Variants in RNF180 observed in about 807,000 individuals in gnomAD.
RNF180 encodes ring finger protein 180.
RNF180 carries 38 observed loss-of-function variants against 59.2 expected under a neutral mutation model. The observed-to-expected ratio is 0.64, with a 90% CI of 0.50 to 0.84. The LOEUF is 0.84. RNF180 is among the 40% of genes least tolerant of loss of function. The probability of loss-of-function intolerance (pLI) is 0.00; values close to 1 mark genes in which losing one functional copy is unlikely to be tolerated. For missense variants in RNF180, 705 were observed against 700.9 expected (o/e 1.01, Z -0.07); for synonymous variants, 262 against 240.3 (o/e 1.09, Z -0.84).
At position 64,203,331 on chromosome 5, in the gene RNF180, A is replaced by G. The variant is rs182862326; in HGVS notation, c.135+2389A>G. On this transcript the variant is annotated intron_variant, in intron 2 of 7. Coordinates refer to ENST00000389100, the MANE Select transcript of RNF180 (RefSeq NM_001113561.2). ...GTGAACATATATATGTTTGTGTCTT[A>G]CAGATTTTAAAGTATAATTTGTAGA... 2.0e-5 allele frequency among the ~76,000 whole-genome samples: 3 copies of G among 152,324 alleles called. No homozygotes were observed. In the East Asian group the frequency reaches 5.8e-4, roughly 29 times the overall value.
At chr5:64,177,525 C>CCATA (rs1750304971) in intron 1 of RNF180, among the ~76,000 whole-genome samples, 1 of 54,366 alleles carries the variant, frequency 1.8e-5, no homozygotes, top group East Asian at 1.2e-3. Context: ...ATAAATTATG[C>CCATA]CATATATATA....
At chr5:64,335,257 T>C (rs1439337359) in intron 7 of RNF180, among the ~76,000 whole-genome samples, 2 of 152,162 alleles carry the variant, frequency 1.3e-5, no homozygotes, top group South Asian at 2.1e-4. Context: ...CTGTTGGTTA[T>C]ATGAATGGCA....
At chr5:64,200,755 G>C (rs1751699410) in intron 1 of RNF180, 53 bp from the exon 2 acceptor site, 1 of 1,513,284 alleles carries the variant, frequency 6.6e-7, no homozygotes, top group African/African-American at 1.4e-5. Context: ...GATTTAGAAA[G>C]TCCAGTTTAT....
At chr5:64,257,607 G>A (rs1394200690) in intron 5 of RNF180, among the ~76,000 whole-genome samples, 1 of 152,154 alleles carries the variant, frequency 6.6e-6, no homozygotes, top group East Asian at 1.9e-4. Flanking sequence ...CGGTTTGCCA[G>A]TATTTTATTG....
chr5:64,330,670 T>C (rs1483773486), intron 7 of RNF180, among the ~76,000 whole-genome samples: 2 of 152,208 alleles, frequency 1.3e-5, no homozygotes, highest in African/African-American at 4.8e-5. Flanking sequence ...ACATAGATAA[T>C]GAAAATACGT....
intron 7 of RNF180, among the ~76,000 whole-genome samples, chr5:64,346,310 CA>C (rs1214728155): frequency 2.4e-5 from 3 of 124,378 alleles, no homozygotes; most frequent in African/African-American, 8.8e-5. Flanking sequence ...TTTTTTGAAA[CA>C]AAAACAATTC....
At chr5:64,195,984 T>C (rs565777875) in intron 1 of RNF180, among the ~76,000 whole-genome samples, 26 of 152,302 alleles carry the variant, frequency 1.7e-4, no homozygotes, top group African/African-American at 6.0e-4. Context: ...TGGGGAGAGC[T>C]TGCAAACTCC....
At chr5:64,274,339 A>G (rs1301695636) in intron 5 of RNF180, among the ~76,000 whole-genome samples, 1 of 150,030 alleles carries the variant, frequency 6.7e-6, no homozygotes, top group Admixed American at 6.6e-5. Flanking sequence ...ATCTCTTAAC[A>G]CGCTCATTTT....
chr5:64,176,262 A>G (rs945327104), intron 1 of RNF180, among the ~76,000 whole-genome samples: 2 of 152,084 alleles, frequency 1.3e-5, no homozygotes, highest in African/African-American at 4.8e-5. Flanking sequence ...ATTTATTGGC[A>G]TATAGTTTTC....
At position 64,212,139 on chromosome 5, in the gene RNF180, G is replaced by A. The variant is rs770108803; in HGVS notation, c.210G>A (p.Trp70Ter). 1.9e-6 allele frequency: 3 copies of A among 1,595,374 alleles called. No homozygotes were observed. Among genetic ancestry groups the A allele is most frequent in the South Asian group, 2.2e-5 (2 of 90,696 alleles). ...WHMNVEALPE[W>*]ISCLIQKAQW... ...TGAATGTAGAAGCCCTTCCAGAATG[G>A]ATAAGCTGCCTAATCCAAAAAGTAA... The change falls in exon 3 of 8, where the codon TGG becomes TGA. Residue 70 changes from tryptophan (W) to a stop codon, truncating the protein, a stop_gained. Coordinates refer to ENST00000389100, the MANE Select transcript of RNF180 (RefSeq NM_001113561.2). LOFTEE classifies it high-confidence loss of function.
chr5:64,234,847 CCTT>C (rs1054494890), intron 5 of RNF180, among the ~76,000 whole-genome samples: 34 of 151,970 alleles, frequency 2.2e-4, no homozygotes, highest in African/African-American at 7.0e-4. Flanking sequence ...GATCCACCCT[CCTT>C]GGCCTCCCGA....
chr5:64,214,497 G>C lies in RNF180; in HGVS notation c.1171G>C (p.Glu391Gln), dbSNP rs369321599. The change falls in exon 4 of 8, where the codon GAA (glutamate) becomes CAA (glutamine). Residue 391 changes from glutamate to glutamine, a missense_variant. Transcript: ENST00000389100. Reference sequence around the variant, plus strand: ...TCTAAGAAGGAAACAACGAAGGCGTGAAAGATGGCTACAGAAGCAGGTAAT... The same window carrying C: ...TCTAAGAAGGAAACAACGAAGGCGTCAAAGATGGCTACAGAAGCAGGTAAT... ...KNLRRKQRRRERWLQKQGKYS... is the reference protein window; with the variant it reads ...KNLRRKQRRRQRWLQKQGKYS... 1 of 1,613,092 alleles carries C rather than the reference G, an allele frequency of 6.2e-7. No individual in the cohort carries two copies. The highest frequency in any genetic ancestry group is 8.5e-7 in the Non-Finnish European group (1 of 1,179,330).
chr5:64,266,840 A>G (rs1313165054), intron 5 of RNF180, among the ~76,000 whole-genome samples: 1 of 152,156 alleles, frequency 6.6e-6, no homozygotes, highest in African/African-American at 2.4e-5. Flanking sequence ...CCCTTATTAC[A>G]GTTCCAAAAT....
chr5:64,239,382 A>G (rs553350316), intron 5 of RNF180, among the ~76,000 whole-genome samples: 1 of 152,304 alleles, frequency 6.6e-6, no homozygotes, highest in East Asian at 1.9e-4. Flanking sequence ...TCAGCTTTAT[A>G]GACAGCTTAC....
At chr5:64,192,927 ATATATATATAT>A (rs2112013049) in intron 1 of RNF180, among the ~76,000 whole-genome samples, 1 of 141,828 alleles carries the variant, frequency 7.1e-6, no homozygotes, top group African/African-American at 2.7e-5. Flanking sequence ...ATATATATAT[ATATATATATAT>A]AAAATGAAAC....
At chr5:64,209,122 G>A (rs1028286795) in intron 2 of RNF180, among the ~76,000 whole-genome samples, 41 of 152,062 alleles carry the variant, frequency 2.7e-4, no homozygotes, top group African/African-American at 9.9e-4. Context: ...GCTTGGGATC[G>A]CTTGTTTCAG....
intron 4 of RNF180, among the ~76,000 whole-genome samples, chr5:64,216,489 A>G (rs1407186440): frequency 6.6e-6 from 1 of 152,200 alleles, no homozygotes; most frequent in Non-Finnish European, 1.5e-5. Context: ...TATGTAAAGT[A>G]AAAGTTACTA....
At position 64,184,332 on chromosome 5, in the gene RNF180, G is replaced by A. The variant is rs139608245; in HGVS notation, c.1-16476G>A. Among the ~76,000 whole-genome samples, 154 of 152,268 alleles carry A rather than the reference G, an allele frequency of 1.0e-3. 2 individuals are homozygous for A. The East Asian group carries it at 0.018, about 18-fold the overall frequency. On this transcript the variant is annotated intron_variant, in intron 1 of 7. Coordinates refer to ENST00000389100, the MANE Select transcript of RNF180 (RefSeq NM_001113561.2). ...ATTTTGGTTTGATCTTTGAGTGTTAGTGGGAACAGCCTTATTTGCCCATTA... is the reference window on the plus strand; with the variant it reads ...ATTTTGGTTTGATCTTTGAGTGTTAATGGGAACAGCCTTATTTGCCCATTA...
chr5:64,200,751 G>T, intron 1 of RNF180, 57 bp from the exon 2 acceptor site: 1 of 1,488,522 alleles, frequency 6.7e-7, no homozygotes. Flanking sequence ...TAAGGATTTA[G>T]AAAGTCCAGT....
Sources: gnomAD v4.1 joint callset for allele counts (sites outside exome capture counted in the v4.1 genomes callset) on GRCh38, gnomAD v4.1.1 for gene constraint, MANE v1.5 for transcripts, NCBI Gene and HGNC (gene_info 2026-07-23, HGNC 2026-07-21) for gene names.